The following DOCK4 variants were observed in gnomAD, a reference collection of about 807,000 sequenced individuals.
DOCK4 encodes the protein dedicator of cytokinesis 4.
DOCK4 carries 97 observed loss-of-function variants against 268.1 expected under a neutral mutation model. That is an observed-to-expected ratio of 0.36 (90% CI 0.31 to 0.43). The LOEUF (loss-of-function observed/expected upper bound fraction) is 0.43. Among genes scored for constraint, DOCK4 ranks in the 20% least tolerant of loss-of-function variants. The probability of loss-of-function intolerance (pLI) is 1.00; values close to 1 mark genes in which losing one functional copy is unlikely to be tolerated. For synonymous variants in DOCK4, 954 were observed against 887.2 expected, an observed-to-expected ratio of 1.08 and a Z score of -1.34; for missense variants, 2,145 against 2,455.7, an observed-to-expected ratio of 0.87 and a Z score of 2.67.
intron 1 of DOCK4, among the ~76,000 whole-genome samples, chr7:112,121,903 G>A (rs972174737): frequency 2.6e-5 from 4 of 152,012 alleles, no homozygotes; most frequent in African/African-American, 9.7e-5. Context: ...TCTTCTTTTT[G>A]AATTACAGAG....
chr7:112,121,073 T>A lies in DOCK4; in HGVS notation c.37+85029A>T, dbSNP rs1812684352. 2.0e-5 allele frequency among the ~76,000 whole-genome samples: 3 copies of A among 152,222 alleles called. No individual in the cohort carries two copies. The South Asian group carries it at 6.2e-4, about 32-fold the overall frequency. On this transcript the variant is annotated intron_variant, in intron 1 of 52. Transcript: ENST00000428084. ...TTATTAACTAGCAGGTGTCACTTTC[T>A]GAGTACCTACTATATGCCAGACACA...
rs1188706079 is a variant in DOCK4 at position 111,869,593 on chromosome 7, T to C, written c.2090A>G (p.His697Arg). 3 of 1,613,460 alleles carry C rather than the reference T, an allele frequency of 1.9e-6. No homozygotes were observed. Among genetic ancestry groups the C allele is most frequent in the East Asian group, 2.2e-5 (1 of 44,880 alleles). The change falls in exon 21 of 53, where the codon CAT becomes CGT. Residue 697 changes from histidine (H) to arginine (R), a missense_variant. His to Arg is a conservative substitution (Grantham distance 29, BLOSUM62 0). Around this residue, in one of 2 missense-constraint regions of DOCK4, gnomAD observed 1,598 missense variants for 1,986.7 expected, o/e 0.80. Transcript: ENST00000428084. ...DRITEAERQE[H>R]IQEVLKAQEY... is the part of the protein sequence containing the mutation. ...TATCACCTTCAGCACCTCCTGGATA[T>C]GCTCTTGCCGCTCTGCTTCTGTGAT...
At chr7:112,203,236 C>T (rs1256420467) in intron 1 of DOCK4, among the ~76,000 whole-genome samples, 1 of 152,198 alleles carries the variant, frequency 6.6e-6, no homozygotes, top group Non-Finnish European at 1.5e-5. Flanking sequence ...ATCACTGTGC[C>T]TCTTAACATG....
intron 7 of DOCK4, among the ~76,000 whole-genome samples, chr7:111,980,404 G>C (rs1181556996): frequency 6.6e-6 from 1 of 152,144 alleles, no homozygotes; most frequent in Non-Finnish European, 1.5e-5. Flanking sequence ...GATAATTTGT[G>C]GCTACAAATG....
chr7:111,792,238 A>G (rs1302134129), intron 30 of DOCK4, among the ~76,000 whole-genome samples: 2 of 152,392 alleles, frequency 1.3e-5, no homozygotes, highest in Non-Finnish European at 2.9e-5. Flanking sequence ...CTGAAAGCAC[A>G]TGCTACTGAG....
chr7:111,977,083 C>A, intron 8 of DOCK4, 49 bp downstream of exon 8: 2 of 1,593,068 alleles, frequency 1.3e-6, no homozygotes, highest in South Asian at 1.1e-5. Context: ...CACAAATATC[C>A]ACCATTCTAA....
At chr7:111,998,232 C>A in intron 4 of DOCK4, among the ~76,000 whole-genome samples, 1 of 152,148 alleles carries the variant, frequency 6.6e-6, no homozygotes, top group East Asian at 1.9e-4. Context: ...TGAGAGACCT[C>A]CAGTCTCTCA....
At chr7:111,734,092 C>T (rs1352341267) in intron 51 of DOCK4, among the ~76,000 whole-genome samples, 4 of 152,096 alleles carry the variant, frequency 2.6e-5, no homozygotes, top group Non-Finnish European at 4.4e-5. Flanking sequence ...TGTGTGCCAC[C>T]ATGCCTGGCT....
intron 1 of DOCK4, among the ~76,000 whole-genome samples, chr7:112,020,489 C>T (rs1218230934): frequency 1.3e-5 from 2 of 151,928 alleles, no homozygotes; most frequent in African/African-American, 4.8e-5. Context: ...CGACTGGTCT[C>T]GTGAAAAACC....
intron 9 of DOCK4, 51 bp downstream of exon 9, chr7:111,945,666 T>C: frequency 7.0e-7 from 1 of 1,432,420 alleles, no homozygotes; most frequent in Non-Finnish European, 9.6e-7. Context: ...CTAAATAGTA[T>C]GAATCATAAC....
intron 1 of DOCK4, among the ~76,000 whole-genome samples, chr7:112,125,415 A>G (rs1407838124): frequency 1.3e-5 from 2 of 152,204 alleles, no homozygotes; most frequent in Admixed American, 6.5e-5. Flanking sequence ...CCTGTAGACA[A>G]AGCTCAATTG....
chr7:112,196,411 A>G (rs2729533), intron 1 of DOCK4, among the ~76,000 whole-genome samples: 147,362 of 152,300 alleles, frequency 0.97, 71,356 homozygotes, highest in African/African-American at 0.99. Flanking sequence ...AAGCAACTAC[A>G]AAATCACTGT....
intron 1 of DOCK4, among the ~76,000 whole-genome samples, chr7:112,068,825 A>G (rs1419547471): frequency 1.3e-5 from 2 of 152,154 alleles, no homozygotes; most frequent in African/African-American, 4.8e-5. Flanking sequence ...GGATTCAGAG[A>G]GCCCTGAGAT....
rs1353760400 is a variant in DOCK4 at position 111,802,675 on chromosome 7, T to C, written c.3166+6146A>G. On this transcript the variant is annotated intron_variant, in intron 30 of 52. Coordinates refer to ENST00000428084, the MANE Select transcript of DOCK4 (RefSeq NM_001363540.2). ...TAGCATGCACTTGCTTGAGTACTTT[T>C]GAATCTCTTAAAAAAAATCTCTTCC... Among the ~76,000 whole-genome samples the C allele has an allele frequency of 2.0e-5, 3 of 152,172 alleles. No individual in the cohort carries two copies. In the East Asian group the frequency reaches 5.8e-4, roughly 29 times the overall value.
intron 1 of DOCK4, among the ~76,000 whole-genome samples, chr7:112,055,012 C>G (rs960749382): frequency 6.6e-6 from 1 of 152,196 alleles, no homozygotes; most frequent in Non-Finnish European, 1.5e-5. Flanking sequence ...AGTATTTGTA[C>G]AGTCCATGTA....
intron 1 of DOCK4, among the ~76,000 whole-genome samples, chr7:112,180,734 G>A (rs1818952340): frequency 6.6e-6 from 1 of 152,194 alleles, no homozygotes; most frequent in Non-Finnish European, 1.5e-5. Flanking sequence ...AGTGCCAACA[G>A]CACTTTGTGG....
At chr7:111,850,106 G>C (rs1348881358) in intron 23 of DOCK4, among the ~76,000 whole-genome samples, 3 of 151,940 alleles carry the variant, frequency 2.0e-5, no homozygotes, top group African/African-American at 7.3e-5. Context: ...TTTTGTATCT[G>C]TAAGTACAGA....
chr7:112,199,685 C>G (rs369939399), intron 1 of DOCK4, among the ~76,000 whole-genome samples: 47 of 152,054 alleles, frequency 3.1e-4, no homozygotes, highest in African/African-American at 1.1e-3. Flanking sequence ...TAATGATCAG[C>G]AACATAAAAA....
chr7:111,985,689 G>A (rs1475579364), intron 6 of DOCK4, among the ~76,000 whole-genome samples: 2 of 152,150 alleles, frequency 1.3e-5, no homozygotes, highest in Non-Finnish European at 2.9e-5. Context: ...CCTAAATGAT[G>A]TTTCTCTTTG....
Sources: gnomAD v4.1 joint callset for allele counts (sites outside exome capture counted in the v4.1 genomes callset) on GRCh38, gnomAD v4.1.1 for gene constraint, gnomAD v4.1.1 regional missense constraint, MANE v1.5 for transcripts, NCBI Gene and HGNC (gene_info 2026-07-23, HGNC 2026-07-21) for gene names.